Variants in LAIR1 observed in about 807,000 individuals in gnomAD.
LAIR1 encodes leukocyte associated immunoglobulin like receptor 1.
Under a neutral mutation model 32.8 loss-of-function variants are expected in LAIR1, and 24 were observed. The ratio of observed to expected loss-of-function variants is 0.73; its 90% CI spans 0.53 to 1.03. LAIR1 has a LOEUF of 1.03. Ranked by LOEUF, LAIR1 falls within the 50% of genes least tolerant of loss-of-function variation. LAIR1 has a pLI of 0.00. For missense variants in LAIR1, 355 were observed against 347.5 expected, an observed-to-expected ratio of 1.02 and a Z score of -0.17; for synonymous variants, 150 against 140.5, an observed-to-expected ratio of 1.07 and a Z score of -0.48.
intron 4 of LAIR1, chr19:54,357,427 G>C (rs1307467495): frequency 6.4e-6 from 1 of 155,916 alleles, no homozygotes; most frequent in African/African-American, 2.4e-5. Context: ...TCCCACCAGA[G>C]GGCAAGAATC....
chr19:54,374,569 A>C (rs1000717025), upstream of LAIR1, among the ~76,000 whole-genome samples: 1 of 152,150 alleles, frequency 6.6e-6, no homozygotes, highest in Non-Finnish European at 1.5e-5. Flanking sequence ...ACCTTGGCAA[A>C]GTCCTGAGTC....
At chr19:54,366,485 AG>A (rs1183813764), upstream of LAIR1, among the ~76,000 whole-genome samples, 1 of 152,030 alleles carries the variant, frequency 6.6e-6, no homozygotes, top group Non-Finnish European at 1.5e-5. Flanking sequence ...GTCTGGCGGA[AG>A]AAATTTCTTT....
upstream of LAIR1, among the ~76,000 whole-genome samples, chr19:54,373,292 A>G (rs1404876778): frequency 6.6e-6 from 1 of 150,680 alleles, no homozygotes; most frequent in African/African-American, 2.5e-5. Flanking sequence ...AAAATACAAA[A>G]AGTTAGCTGG....
upstream of LAIR1, among the ~76,000 whole-genome samples, chr19:54,375,521 C>A (rs966521405): frequency 1.3e-5 from 2 of 152,298 alleles, no homozygotes; most frequent in Non-Finnish European, 2.9e-5. Context: ...CATCCATACG[C>A]CCGGCCCGAA....
At chr19:54,363,828 T>C (rs941646815) in intron 2 of LAIR1, among the ~76,000 whole-genome samples, 2 of 152,162 alleles carry the variant, frequency 1.3e-5, no homozygotes, top group African/African-American at 4.8e-5. Flanking sequence ...GATCAAATGA[T>C]ACAAAGTTTC....
intron 4 of LAIR1, chr19:54,358,399 T>TATATATATATA (rs2081841557): frequency 5.2e-4 from 1 of 1,914 alleles, no homozygotes; most frequent in African/African-American, 3.6e-3. Context: ...ATATATATAA[T>TATATATATATA]ATATATATAT....
In LAIR1 at chr19:54,353,634, A is replaced by G. The variant is rs752563276; in HGVS notation, c.*1634T>C. On this transcript the variant is annotated 3_prime_UTR_variant, in exon 10 of 10. Coordinates refer to ENST00000391742, the MANE Select transcript of LAIR1 (RefSeq NM_002287.6). ...ATAGAGCACGCTGTGGAGGGTTTGT[A>G]GGAGAATTTAATGTGTCCACGTTTG... The G allele has an allele frequency of 1.2e-4, 19 of 152,200 alleles. No homozygotes were observed. Among genetic ancestry groups the G allele is most frequent in the Admixed American group, 1.3e-4 (2 of 15,268 alleles). The allele number at this position is 152,200 out of a possible 1,614,324, so 9.4% of individuals were successfully genotyped here.
chr19:54,368,444 T>C (rs937350524), upstream of LAIR1: 1 of 152,240 alleles, frequency 6.6e-6, no homozygotes, highest in African/African-American at 2.4e-5. Context: ...ATGGTTTCTA[T>C]GCATTAGATT....
Position 54,355,878 on chromosome 19 carries a change from A to G in LAIR1, c.717+76T>C. 9.6e-7 allele frequency: 1 copy of G among 1,046,654 alleles called. No individual in the cohort carries two copies. Among genetic ancestry groups the G allele is most frequent in the South Asian group, 1.3e-5 (1 of 79,492 alleles). 64.8% of individuals were successfully genotyped at this position (1,046,654 alleles called of 1,614,324 possible). A position where few individuals can be genotyped will look rare whatever the true frequency, so the allele number is the denominator to read the frequency against. On this transcript the variant is annotated intron_variant, in intron 9 of 9. Transcript: ENST00000391742. This position sits in a 1 kb window ranked among gnomAD's most constrained non-coding sequence, Gnocchi z 4.7. ...AACCGCCCAGCTGAGCCACTCCTGA[A>G]TTCCTAACCCAAGGAACTGAGATTT...
In LAIR1 at chr19:54,364,888, G is replaced by A; in HGVS notation, c.-84C>T. On this transcript the variant is annotated 5_prime_UTR_variant, in exon 1 of 10. Coordinates refer to ENST00000391742, the MANE Select transcript of LAIR1 (RefSeq NM_002287.6). The surrounding 1 kb of genome is among the most constrained non-coding windows in gnomAD (Gnocchi z 4.8). Reference sequence around the variant, plus strand: ...TGCAGCAGACACAAGCAGACAGGATGTGCTGCCCGGGGGCCTCCTGCCTAT... The same window carrying A: ...TGCAGCAGACACAAGCAGACAGGATATGCTGCCCGGGGGCCTCCTGCCTAT... The A allele has an allele frequency of 6.2e-7, 1 of 1,612,172 alleles. No individual in the cohort carries two copies. Among genetic ancestry groups the A allele is most frequent in the Non-Finnish European group, 8.5e-7 (1 of 1,179,066 alleles).
the LAIR1 span, among the ~76,000 whole-genome samples, chr19:54,375,786 A>C: frequency 2.4e-4 from 36 of 151,990 alleles, no homozygotes; most frequent in East Asian, 6.2e-3. Flanking sequence ...TCTGTGTCAG[A>C]GACGAGCCAC....
At chr19:54,366,910 A>G (rs1367908300), upstream of LAIR1, among the ~76,000 whole-genome samples, 1 of 152,190 alleles carries the variant, frequency 6.6e-6, no homozygotes, top group Non-Finnish European at 1.5e-5. Flanking sequence ...AAAGAGAAGC[A>G]AAGTGTAAAA....
chr19:54,363,716 C>T (rs10414662), intron 2 of LAIR1, among the ~76,000 whole-genome samples: 54,685 of 152,018 alleles, frequency 0.36, 10,098 homozygotes, highest in East Asian at 0.42. Flanking sequence ...AATTACTGCG[C>T]GTTCTCACTT....
At chr19:54,361,540 A>T (rs1275678408) in intron 2 of LAIR1, among the ~76,000 whole-genome samples, 1 of 151,912 alleles carries the variant, frequency 6.6e-6, no homozygotes, top group Non-Finnish European at 1.5e-5. Context: ...AGAGGGACAG[A>T]GTGTGGGAGG....
At chr19:54,358,694 T>C in intron 4 of LAIR1, 3 of 1,179,852 alleles carry the variant, frequency 2.5e-6, no homozygotes, top group Non-Finnish European at 3.7e-6. Flanking sequence ...TAATCAGCAC[T>C]GATGTCAGCG....
chr19:54,369,903 C>T (rs1434120208), upstream of LAIR1, among the ~76,000 whole-genome samples: 1 of 150,414 alleles, frequency 6.6e-6, no homozygotes, highest in Non-Finnish European at 1.5e-5. Flanking sequence ...GATGTGGTCG[C>T]CGTAATGATC....
At position 54,355,410 on chromosome 19, in the gene LAIR1, A is replaced by G; in HGVS notation, c.722T>C (p.Leu241Pro). ...CACCTCCTGGGAACTCCCTGCAGCC[A>G]GGGCCTAAGAGGGAGAGACCCAGGG... ...EKDRETDTSA[L>P]AAGSSQEVTY... The change falls in exon 10 of 10, where the codon CTG (leucine) becomes CCG (proline). Residue 241 changes from leucine (L) to proline (P), a missense_variant. Physicochemically the swap from Leu to Pro is moderately conservative, Grantham distance 98. Coordinates refer to ENST00000391742, the MANE Select transcript of LAIR1 (RefSeq NM_002287.6). This position sits in a 1 kb window ranked among gnomAD's most constrained non-coding sequence, Gnocchi z 4.7. The G allele has an allele frequency of 6.3e-7, 1 of 1,599,840 alleles. No individual in the cohort carries two copies. The highest frequency in any genetic ancestry group is 8.5e-7 in the Non-Finnish European group (1 of 1,173,016).
At position 54,351,477 on chromosome 19, in the gene LAIR1, T is replaced by C. The variant is rs947731027; in HGVS notation, c.*3791A>G. On this transcript the variant is annotated 3_prime_UTR_variant, in exon 10 of 10. Coordinates refer to ENST00000391742, the MANE Select transcript of LAIR1 (RefSeq NM_002287.6). ...AAATTTTCTATGAACGTAAAATCTT[T>C]GGTGCAATCAAGTGCATACTGCTTC... The C allele has an allele frequency of 5.3e-5, 8 of 152,234 alleles. No individual in the cohort carries two copies. Among genetic ancestry groups the C allele is most frequent in the Non-Finnish European group, 1.2e-4 (8 of 68,046 alleles). The allele number at this position is 152,234 out of a possible 1,614,324, so 9.4% of individuals were successfully genotyped here.
chr19:54,361,300 A>G (rs925890434), intron 2 of LAIR1, 91 bp from the exon 3 acceptor site: 19 of 1,429,070 alleles, frequency 1.3e-5, no homozygotes, highest in Admixed American at 1.8e-5. Flanking sequence ...CAGGGATTTT[A>G]GCAATTTTAT....
Sources: gnomAD v4.1 joint callset for allele counts (sites outside exome capture counted in the v4.1 genomes callset) on GRCh38, gnomAD v4.1.1 for gene constraint, Gnocchi (gnomAD v3.1) non-coding constraint, MANE v1.5 for transcripts, NCBI Gene and HGNC (gene_info 2026-07-23, HGNC 2026-07-21) for gene names.